The following ARHGAP25 variants were observed in gnomAD, a reference collection of about 807,000 sequenced individuals.
The protein encoded by ARHGAP25 is Rho GTPase activating protein 25, also known as rho GTPase-activating protein 25.
ARHGAP25 carries 34 observed loss-of-function variants against 71.0 expected under a neutral mutation model. That is an observed-to-expected ratio of 0.48 (90% CI 0.36 to 0.64). ARHGAP25 has a LOEUF of 0.64. Ranked by LOEUF, ARHGAP25 falls within the 30% of genes least tolerant of loss-of-function variation. The pLI is 0.00. For synonymous variants in ARHGAP25, 282 were observed against 296.5 expected, an observed-to-expected ratio of 0.95 and a Z score of 0.50; for missense variants, 706 against 805.1, an observed-to-expected ratio of 0.88 and a Z score of 1.49.
intron 9 of ARHGAP25, among the ~76,000 whole-genome samples, chr2:68,821,906 G>GTT (rs59964574): frequency 0.018 from 1,490 of 81,486 alleles, 50 homozygotes; most frequent in African/African-American, 0.058. Context: ...CTTTTTGCTA[G>GTT]TTTTTTTTTT....
intron 10 of ARHGAP25, among the ~76,000 whole-genome samples, chr2:68,823,169 AT>A (rs906846698): frequency 3.3e-5 from 5 of 151,294 alleles, no homozygotes; most frequent in Admixed American, 2.6e-4. Flanking sequence ...AAGGAAATTA[AT>A]TTTTTTTATG....
intron 2 of ARHGAP25, among the ~76,000 whole-genome samples, chr2:68,711,477 A>G (rs1290678810): frequency 1.3e-5 from 2 of 151,916 alleles, no homozygotes; most frequent in African/African-American, 4.8e-5. Flanking sequence ...AAGAATAGCT[A>G]CTCTCACCTC....
rs577257197 is a variant in ARHGAP25, at chr2:68,798,460, C to T, written c.467-8813C>T. Among the ~76,000 whole-genome samples, 4 of 151,604 alleles carry T rather than the reference C, an allele frequency of 2.6e-5. No homozygotes were observed. In the East Asian group the frequency reaches 5.8e-4, roughly 22 times the overall value. On this transcript the variant is annotated intron_variant, in intron 4 of 10. Coordinates refer to ENST00000409202, the MANE Select transcript of ARHGAP25 (RefSeq NM_001007231.3). The stretch of plus-strand genomic sequence containing the variant: ...TCTTTCTTTAATATGTGCTATGTGC[C>T]CAGTTCTATGCTAACACTGGGGCAC...
intron 1 of ARHGAP25, among the ~76,000 whole-genome samples, chr2:68,770,354 C>T (rs1447597432): frequency 6.6e-6 from 1 of 152,160 alleles, no homozygotes; most frequent in Non-Finnish European, 1.5e-5. Context: ...GGTTCCCAAA[C>T]TAATGCACAG....
chr2:68,772,627 A>G (rs1303692846), intron 1 of ARHGAP25, among the ~76,000 whole-genome samples: 1 of 152,244 alleles, frequency 6.6e-6, no homozygotes, highest in African/African-American at 2.4e-5. Flanking sequence ...CTTGCAAGGT[A>G]TAGTCTCTGA....
intron 2 of ARHGAP25, among the ~76,000 whole-genome samples, chr2:68,714,668 A>G (rs1006771866): frequency 1.3e-5 from 2 of 152,136 alleles, no homozygotes; most frequent in Non-Finnish European, 2.9e-5. Context: ...TGTCCCAGAG[A>G]TTCTGGTATG....
chr2:68,823,347 T>G (rs938828180), intron 10 of ARHGAP25, among the ~76,000 whole-genome samples: 1 of 152,100 alleles, frequency 6.6e-6, no homozygotes, highest in Non-Finnish European at 1.5e-5. Flanking sequence ...AAAATATATG[T>G]TATGTCAGCT....
At chr2:68,755,356 A>G (rs972250644) in intron 1 of ARHGAP25, among the ~76,000 whole-genome samples, 4 of 152,206 alleles carry the variant, frequency 2.6e-5, no homozygotes, top group Admixed American at 2.6e-4. Flanking sequence ...AATATCTTTT[A>G]TCACTCAGAG....
intron 1 of ARHGAP25, among the ~76,000 whole-genome samples, chr2:68,756,087 G>A (rs1207712413): frequency 6.6e-6 from 1 of 152,162 alleles, no homozygotes; most frequent in Non-Finnish European, 1.5e-5. Flanking sequence ...GGACCCTGGT[G>A]TCTAATCAAA....
upstream of ARHGAP25, among the ~76,000 whole-genome samples, chr2:68,731,820 C>A (rs76909318): frequency 2.4e-3 from 369 of 151,732 alleles, 2 homozygotes; most frequent in Admixed American, 5.6e-3. Flanking sequence ...ATACACCCCC[C>A]CTAGCTCCCT....
At chr2:68,765,466 A>G (rs556811764) in intron 1 of ARHGAP25, among the ~76,000 whole-genome samples, 1 of 152,336 alleles carries the variant, frequency 6.6e-6, no homozygotes, top group South Asian at 2.1e-4. Context: ...CAGAGAAAAT[A>G]TAATGAACCC....
chr2:68,724,538 C>T (rs911587627), intron 2 of ARHGAP25, among the ~76,000 whole-genome samples: 62 of 152,294 alleles, frequency 4.1e-4, no homozygotes, highest in Admixed American at 5.9e-4. Flanking sequence ...GATGTTCTTC[C>T]TGAGCCACTC....
chr2:68,774,953 C>T (rs1677761832), intron 1 of ARHGAP25: 6 of 1,417,248 alleles, frequency 4.2e-6, no homozygotes, highest in African/African-American at 1.4e-5. Context: ...TGACGGGGCC[C>T]GCCGCGGTGC....
At chr2:68,776,919 G>A (rs1396166614) in intron 2 of ARHGAP25, among the ~76,000 whole-genome samples, 4 of 152,034 alleles carry the variant, frequency 2.6e-5, no homozygotes. Flanking sequence ...TTCTTTAAGG[G>A]CAGGCTTGAG....
chr2:68,715,340 A>G (rs1389270153), intron 2 of ARHGAP25, among the ~76,000 whole-genome samples: 2 of 149,450 alleles, frequency 1.3e-5, no homozygotes, highest in Middle Eastern at 3.3e-3. Flanking sequence ...GGCCATTCTG[A>G]TGCCTGCTCA....
intron 1 of ARHGAP25, among the ~76,000 whole-genome samples, chr2:68,742,467 G>A (rs1675571989): frequency 6.6e-6 from 1 of 152,198 alleles, no homozygotes; most frequent in African/African-American, 2.4e-5. Flanking sequence ...GTCACTGTGT[G>A]ACGTTGGACC....
intron 2 of ARHGAP25, among the ~76,000 whole-genome samples, chr2:68,777,361 G>A (rs1469198770): frequency 1.3e-5 from 2 of 152,114 alleles, no homozygotes; most frequent in African/African-American, 4.8e-5. Flanking sequence ...TCCGGACCCC[G>A]CTTTATTCTT....
intron 2 of ARHGAP25, among the ~76,000 whole-genome samples, chr2:68,715,287 G>A (rs925819154): frequency 6.6e-6 from 1 of 152,212 alleles, no homozygotes; most frequent in Non-Finnish European, 1.5e-5. Context: ...AACCTTTGGA[G>A]GTGGCGCCCA....
At chr2:68,774,778 T>C (rs1241406925) in intron 1 of ARHGAP25, 4 of 1,023,992 alleles carry the variant, frequency 3.9e-6, no homozygotes, top group Admixed American at 5.3e-5. Context: ...TCCGGCGGCC[T>C]CTGCAGCTGC....
Sources: gnomAD v4.1 joint callset for allele counts (sites outside exome capture counted in the v4.1 genomes callset) on GRCh38, gnomAD v4.1.1 for gene constraint, MANE v1.5 for transcripts, NCBI Gene and HGNC (gene_info 2026-07-23, HGNC 2026-07-21) for gene names.